Variants in RAB18 observed in about 807,000 individuals in gnomAD.
The protein encoded by RAB18 is RAB18, member RAS oncogene family.
Under a neutral mutation model 28.5 loss-of-function variants are expected in RAB18, and 10 were observed. That is an observed-to-expected ratio of 0.35 (90% CI 0.22 to 0.60). The LOEUF is 0.60. Ranked by LOEUF, RAB18 falls within the 20% of genes least tolerant of loss-of-function variation. The pLI, the probability that RAB18 is intolerant of heterozygous loss-of-function variation, is 0.78. For missense variants in RAB18, 188 were observed against 244.2 expected (o/e 0.77, Z 1.53); for synonymous variants, 93 against 86.9 (o/e 1.07, Z -0.39).
In RAB18 at chr10:27,538,613, GA is replaced by G. The variant is rs1353778770; in HGVS notation, c.*563del. On this transcript the variant is annotated 3_prime_UTR_variant, in exon 7 of 7. Transcript: ENST00000356940. ...TTATAACTAAATCTCTATTTGTTCG[GA>G]TGATGCTTCTAAAACAGCATTGATA... 1 of 454,224 alleles carries G rather than the reference GA, an allele frequency of 2.2e-6. No individual in the cohort carries two copies. Among genetic ancestry groups the G allele is most frequent in the African/African-American group, 2.0e-5 (1 of 49,958 alleles). 28.1% of individuals were successfully genotyped at this position (454,224 alleles called of 1,614,324 possible). A position where few individuals can be genotyped will look rare whatever the true frequency, so the allele number is the denominator to read the frequency against.
chr10:27,514,713 C>T (rs1437245245), intron 2 of RAB18, among the ~76,000 whole-genome samples: 1 of 151,356 alleles, frequency 6.6e-6, no homozygotes, highest in Non-Finnish European at 1.5e-5. Context: ...TACAAGATAA[C>T]ATTTCTGACA....
In RAB18 at chr10:27,540,583, G is replaced by C. The variant is rs920196816; in HGVS notation, c.*2532G>C. On this transcript the variant is annotated 3_prime_UTR_variant, in exon 7 of 7. Transcript: ENST00000356940. ...GTCATGTGACATAAAAGTTAAGGTA[G>C]TGGAGTAGGTGGTCTTATTTCTTTC... The C allele has an allele frequency of 4.4e-6, 2 of 454,006 alleles. No homozygotes were observed. Among genetic ancestry groups the C allele is most frequent in the Admixed American group, 4.7e-5 (2 of 42,566 alleles). 28.1% of individuals were successfully genotyped at this position (454,006 alleles called of 1,614,324 possible). A position where few individuals can be genotyped will look rare whatever the true frequency, so the allele number is the denominator to read the frequency against.
rs1835003146 is a variant in RAB18 at position 27,540,579 on chromosome 10, G to C, written c.*2528G>C. On this transcript the variant is annotated 3_prime_UTR_variant, in exon 7 of 7. Coordinates refer to ENST00000356940, the MANE Select transcript of RAB18 (RefSeq NM_021252.5). ...ATAAGTCATGTGACATAAAAGTTAA[G>C]GTAGTGGAGTAGGTGGTCTTATTTC... 1 of 454,104 alleles carries C rather than the reference G, an allele frequency of 2.2e-6. No homozygotes were observed. The highest frequency in any genetic ancestry group is 4.4e-6 in the Non-Finnish European group (1 of 226,776). 28.1% of individuals were successfully genotyped at this position (454,104 alleles called of 1,614,324 possible).
At position 27,540,729 on chromosome 10, in the gene RAB18, A is replaced by G. The variant is rs1205117385; in HGVS notation, c.*2678A>G. On this transcript the variant is annotated 3_prime_UTR_variant, in exon 7 of 7. Coordinates refer to ENST00000356940, the MANE Select transcript of RAB18 (RefSeq NM_021252.5). Reference sequence around the variant, plus strand: ...GGAAACAGTAATTTGCTCAAAACTGAAATCTGGGGTGATGTTTTCATTTCA... The same window carrying G: ...GGAAACAGTAATTTGCTCAAAACTGGAATCTGGGGTGATGTTTTCATTTCA... 13 of 454,058 alleles carry G rather than the reference A, an allele frequency of 2.9e-5. 1 individual carries two copies. Among genetic ancestry groups the G allele is most frequent in the South Asian group, 2.0e-4 (13 of 64,476 alleles). The allele number at this position is 454,058 out of a possible 1,614,324, so 28.1% of individuals were successfully genotyped here. A position where few individuals can be genotyped will look rare whatever the true frequency, so the allele number is the denominator to read the frequency against.
chr10:27,520,267 A>G (rs924862250), intron 2 of RAB18, among the ~76,000 whole-genome samples: 3 of 152,122 alleles, frequency 2.0e-5, no homozygotes, highest in African/African-American at 4.8e-5. Context: ...TTTCGTTGAC[A>G]TAACGGTTGT....
At chr10:27,505,007 C>A in intron 1 of RAB18, 1 of 533,596 alleles carries the variant, frequency 1.9e-6, no homozygotes, top group Non-Finnish European at 3.8e-6. Flanking sequence ...GATCTTGTGA[C>A]TGCTGGAAAA....
chr10:27,518,401 T>C (rs1159918590), intron 2 of RAB18, among the ~76,000 whole-genome samples: 3 of 152,192 alleles, frequency 2.0e-5, no homozygotes, highest in African/African-American at 4.8e-5. Context: ...TCACCTATTA[T>C]ATATCTACGA....
In RAB18 at chr10:27,510,913, A is replaced by G. The variant is rs1834310814; in HGVS notation, c.124+983A>G. ...ACAAATAATTCTTATGTATCCTATT[A>G]AATTACTCCAGATGTTAATGTTTGT... On this transcript the variant is annotated intron_variant, in intron 2 of 6. Transcript: ENST00000356940. Among the ~76,000 whole-genome samples, 5 of 152,226 alleles carry G rather than the reference A, an allele frequency of 3.3e-5. No individual in the cohort carries two copies. In the South Asian group the frequency reaches 1.0e-3, roughly 32 times the overall value.
chr10:27,504,971 T>A (rs372999703), intron 1 of RAB18: 69 of 533,228 alleles, frequency 1.3e-4, no homozygotes, highest in Non-Finnish European at 2.6e-4. Flanking sequence ...CTTTTACTTT[T>A]TTATTAGTCG....
rs1455481946 is a variant in RAB18, at chr10:27,533,843, A to T, written c.368A>T (p.Lys123Ile). 4 of 1,613,422 alleles carry T rather than the reference A, an allele frequency of 2.5e-6. No individual in the cohort carries two copies. The highest frequency in any genetic ancestry group is 3.4e-6 in the Non-Finnish European group (4 of 1,179,444). Residue 123 changes from lysine to isoleucine, a missense_variant, in exon 5 of 7, where the codon AAA becomes ATA. By Grantham distance (102) the Lys-to-Ile change is moderately radical (BLOSUM62 -3). Coordinates refer to ENST00000356940, the MANE Select transcript of RAB18 (RefSeq NM_021252.5). ...NDIVNMLVGN[K>I]IDKENREVDR... ...ATAGTAAACATGCTAGTTGGAAATA[A>T]AATCGATAAGGTAAGAAGGCAGACA...
intron 2 of RAB18, among the ~76,000 whole-genome samples, chr10:27,523,670 TA>T (rs1834613831): frequency 6.7e-6 from 1 of 150,216 alleles, no homozygotes; most frequent in East Asian, 2.0e-4. Context: ...TGGGCTGCAG[TA>T]GCACAACCAC....
intron 2 of RAB18, among the ~76,000 whole-genome samples, chr10:27,514,604 AGAAAAT>A (rs1378105797): frequency 3.3e-5 from 5 of 152,230 alleles, no homozygotes; most frequent in African/African-American, 1.2e-4. Flanking sequence ...AAAACGAATT[AGAAAAT>A]GATAGATATG....
At chr10:27,521,038 TC>T (rs1196962509) in intron 2 of RAB18, among the ~76,000 whole-genome samples, 2 of 152,102 alleles carry the variant, frequency 1.3e-5, no homozygotes, top group Non-Finnish European at 2.9e-5. Flanking sequence ...TAATTTTTTT[TC>T]TGTGATTTTA....
chr10:27,536,851 TTAGAG>T (rs1834910090), intron 6 of RAB18, among the ~76,000 whole-genome samples: 1 of 152,074 alleles, frequency 6.6e-6, no homozygotes, highest in African/African-American at 2.4e-5. Flanking sequence ...GAAAGCCTAA[TTAGAG>T]TAGTTTGAAG....
At chr10:27,504,872 G>A in intron 1 of RAB18, 1 of 478,132 alleles carries the variant, frequency 2.1e-6, no homozygotes, top group South Asian at 1.6e-5. Flanking sequence ...TTTCTGTGGG[G>A]CCTTCTCTAA....
At chr10:27,516,143 C>A (rs1834433557) in intron 2 of RAB18, among the ~76,000 whole-genome samples, 2 of 151,748 alleles carry the variant, frequency 1.3e-5, no homozygotes, top group South Asian at 4.2e-4. Flanking sequence ...AATGCTTATT[C>A]TTTGTTAAAG....
chr10:27,538,249 A>C lies in RAB18; in HGVS notation c.*198A>C. On this transcript the variant is annotated 3_prime_UTR_variant, in exon 7 of 7. Coordinates refer to ENST00000356940, the MANE Select transcript of RAB18 (RefSeq NM_021252.5). ...TAAGCATGCACAGTTTGCAGTCTAC[A>C]GTTTTTTTATGTAGCACAAAATAGG... The C allele has an allele frequency of 1.4e-6, 1 of 727,304 alleles. No individual in the cohort carries two copies. The allele number at this position is 727,304 out of a possible 1,614,324, so 45.1% of individuals were successfully genotyped here. A position where few individuals can be genotyped will look rare whatever the true frequency, so the allele number is the denominator to read the frequency against.
In RAB18 at chr10:27,541,955, A is replaced by G. The variant is rs1185812765; in HGVS notation, c.*3904A>G. On this transcript the variant is annotated 3_prime_UTR_variant, in exon 7 of 7. Coordinates refer to ENST00000356940, the MANE Select transcript of RAB18 (RefSeq NM_021252.5). ...TCCCCAGTAGCAATGGTTCAGGGGT[A>G]GGCACCTGACCCAGACCAGACTACT... 1 of 454,016 alleles carries G rather than the reference A, an allele frequency of 2.2e-6. No homozygotes were observed. Among genetic ancestry groups the G allele is most frequent in the Non-Finnish European group, 4.4e-6 (1 of 226,784 alleles). 28.1% of individuals were successfully genotyped at this position (454,016 alleles called of 1,614,324 possible). A position where few individuals can be genotyped will look rare whatever the true frequency, so the allele number is the denominator to read the frequency against.
At chr10:27,524,029 A>G (rs1163213055) in intron 2 of RAB18, among the ~76,000 whole-genome samples, 1 of 151,964 alleles carries the variant, frequency 6.6e-6, no homozygotes, top group Non-Finnish European at 1.5e-5. Context: ...CAGTGAGCCA[A>G]GATCACTGCC....
Sources: allele counts gnomAD v4.1 joint callset (sites outside exome capture counted in the v4.1 genomes callset), GRCh38; gene constraint gnomAD v4.1.1; transcripts MANE v1.5; gene names NCBI Gene and HGNC (gene_info 2026-07-23, HGNC 2026-07-21).